Variants in HS1BP3 observed in about 807,000 individuals in gnomAD.
HS1BP3 encodes HCLS1 binding protein 3, also known as HCLS1-binding protein 3.
In HS1BP3, 32 loss-of-function variants were observed where a neutral mutation model predicts 33.5. The observed-to-expected ratio is 0.95, with a 90% confidence interval of 0.72 to 1.28. The LOEUF (loss-of-function observed/expected upper bound fraction) is 1.28, where lower values mean the gene tolerates loss of function less well. Among genes scored for constraint, HS1BP3 ranks in the 50% most tolerant of loss-of-function variants. The pLI, the probability that HS1BP3 is intolerant of heterozygous loss-of-function variation, is 0.00. For missense variants in HS1BP3, 486 were observed against 502.3 expected (o/e 0.97, Z 0.31); for synonymous variants, 187 against 209.2 (o/e 0.89, Z 0.92).
At chr2:20,584,000 ATAAT>A (rs1693622316) in intron 5 of HS1BP3, among the ~76,000 whole-genome samples, 1 of 152,180 alleles carries the variant, frequency 6.6e-6, no homozygotes, top group African/African-American at 2.4e-5. Flanking sequence ...AGACTCGGGC[ATAAT>A]TAGTGTTTTG....
chr2:20,635,850 T>C (rs1695108359), intron 4 of HS1BP3: 1 of 152,080 alleles, frequency 6.6e-6, no homozygotes, highest in African/African-American at 2.4e-5. Context: ...AATGGTGTAA[T>C]AACGCTCTCT....
chr2:20,582,260 A>G (rs752255230), intron 5 of HS1BP3, among the ~76,000 whole-genome samples: 1 of 152,146 alleles, frequency 6.6e-6, no homozygotes, highest in Non-Finnish European at 1.5e-5. Context: ...GCCTTGAGAG[A>G]CACAGCCTCC....
At chr2:20,568,394 T>C (rs1028971095) in intron 5 of HS1BP3, among the ~76,000 whole-genome samples, 7 of 152,054 alleles carry the variant, frequency 4.6e-5, no homozygotes, top group Non-Finnish European at 8.8e-5. Flanking sequence ...TGGGGGTTCC[T>C]AGGAGCTGGA....
intron 2 of HS1BP3, among the ~76,000 whole-genome samples, chr2:20,612,136 T>C (rs1036102161): frequency 6.6e-6 from 1 of 152,196 alleles, no homozygotes; most frequent in Admixed American, 6.5e-5. Context: ...GGTAAAATTA[T>C]TACCCCCATT....
rs111760410 is a variant in HS1BP3, at chr2:20,580,927, G to A, written c.303-20412C>T. ...CCCATGCCTGCTGAACTCACACCACGGATATTGGCCCAGACCCAAGGATAC... is the reference window on the plus strand; with the variant it reads ...CCCATGCCTGCTGAACTCACACCACAGATATTGGCCCAGACCCAAGGATAC... On this transcript the variant is annotated intron_variant, in intron 5 of 5. Transcript: ENST00000446825. Among the ~76,000 whole-genome samples, 624 of 152,296 alleles carry A rather than the reference G, an allele frequency of 4.1e-3. 4 individuals carry two copies. Among genetic ancestry groups the A allele is most frequent in the African/African-American group, 0.015 (605 of 41,556 alleles).
rs562763903 is a variant in HS1BP3, at chr2:20,618,800, A to C, written c.*187T>G. 7 of 1,403,416 alleles carry C rather than the reference A, an allele frequency of 5.0e-6. No homozygotes were observed. In the South Asian group the frequency reaches 1.0e-4, roughly 20 times the overall value. 86.9% of individuals were successfully genotyped at this position (1,403,416 alleles called of 1,614,324 possible). ...GGTGAGAGCCGCTCCCGCAGCCCGC[A>C]GGCTTCTACTTTGGCCCCACAGCCC... On this transcript the variant is annotated 3_prime_UTR_variant, in exon 7 of 7. Coordinates refer to ENST00000304031, the MANE Select transcript of HS1BP3 (RefSeq NM_022460.4).
Position 20,641,154 on chromosome 2 carries a change from C to G in HS1BP3, c.225G>C (p.Glu75Asp). 2 of 1,608,512 alleles carry G rather than the reference C, an allele frequency of 1.2e-6. No individual in the cohort carries two copies. Among genetic ancestry groups the G allele is most frequent in the Non-Finnish European group, 1.7e-6 (2 of 1,179,972 alleles). Residue 75 changes from glutamate (E) to aspartate (D), a missense_variant, in exon 3 of 7, where the codon GAG becomes GAC. Glu to Asp is a conservative substitution (Grantham distance 45). Transcript: ENST00000304031. ...GACTGCTCAGTTTCTGGTAAAACTC[C>G]TCAATCTCGCTGTACTTTTTGGAGA... ...FLVSKKYSEI[E>D]EFYQKLSSRY...
At chr2:20,592,794 C>A (rs1332386339) in exon 4 of HS1BP3, 2 of 152,266 alleles carry the variant, frequency 1.3e-5, no homozygotes, top group Non-Finnish European at 2.9e-5. Flanking sequence ...TACAGAAACA[C>A]CTGTGATTGG....
downstream of HS1BP3, among the ~76,000 whole-genome samples, chr2:20,556,613 C>T (rs1692848725): frequency 6.6e-6 from 1 of 152,162 alleles, no homozygotes; most frequent in African/African-American, 2.4e-5. Context: ...ACCAGGTTGG[C>T]CCCTCAGAGA....
At chr2:20,579,558 C>T (rs1438135668) in intron 5 of HS1BP3, among the ~76,000 whole-genome samples, 1 of 152,236 alleles carries the variant, frequency 6.6e-6, no homozygotes, top group Non-Finnish European at 1.5e-5. Flanking sequence ...CTTGGAAGCC[C>T]CCCGGCATAC....
In HS1BP3 at chr2:20,618,697, T is replaced by C. The variant is rs1010582217; in HGVS notation, c.*290A>G. ...TGCTTCATCCTTGGGGCTGGGCTTCTGGTTGGCAAGGCATCCCCACACCCT... is the reference window on the plus strand; with the variant it reads ...TGCTTCATCCTTGGGGCTGGGCTTCCGGTTGGCAAGGCATCCCCACACCCT... On this transcript the variant is annotated 3_prime_UTR_variant, in exon 7 of 7. Coordinates refer to ENST00000304031, the MANE Select transcript of HS1BP3 (RefSeq NM_022460.4). The C allele has an allele frequency of 1.8e-5, 22 of 1,217,582 alleles. No individual in the cohort carries two copies. The African/African-American group carries it at 3.4e-4, about 19-fold the overall frequency. 75.4% of individuals were successfully genotyped at this position (1,217,582 alleles called of 1,614,324 possible). A position where few individuals can be genotyped will look rare whatever the true frequency, so the allele number is the denominator to read the frequency against.
At chr2:20,602,201 T>C (rs1266609646) in intron 2 of HS1BP3, among the ~76,000 whole-genome samples, 1 of 151,400 alleles carries the variant, frequency 6.6e-6, no homozygotes, top group East Asian at 2.0e-4. Flanking sequence ...ATTCTCCTTT[T>C]AGGAGGAGCC....
Position 20,624,078 on chromosome 2 carries a change from G to A in HS1BP3, c.785-47C>T, listed in dbSNP as rs1183898922. On this transcript the variant is annotated intron_variant, in intron 5 of 6. Transcript: ENST00000304031. The stretch of plus-strand genomic sequence containing the variant: ...GGGGTCAGAGGAAGCCTCTAGGCTG[G>A]GATGCCATGGCTGCTCTCTCTCTGC... The A allele has an allele frequency of 1.9e-6, 3 of 1,598,288 alleles. No individual in the cohort carries two copies. The South Asian group carries it at 3.3e-5, about 18-fold the overall frequency.
chr2:20,645,175 C>G (rs1695478750), intron 2 of HS1BP3, among the ~76,000 whole-genome samples, 165 bp downstream of exon 2: 1 of 152,192 alleles, frequency 6.6e-6, no homozygotes, highest in Non-Finnish European at 1.5e-5. Context: ...TCTGATTCAC[C>G]CTGTGTCCCT....
intron 2 of HS1BP3, among the ~76,000 whole-genome samples, chr2:20,603,137 G>A (rs1229413458): frequency 1.3e-5 from 2 of 152,156 alleles, no homozygotes; most frequent in African/African-American, 2.4e-5. Context: ...GGGAATATAA[G>A]ATGGCACAAT....
intron 5 of HS1BP3, among the ~76,000 whole-genome samples, chr2:20,575,382 C>T (rs952407808): frequency 3.3e-5 from 5 of 152,224 alleles, no homozygotes; most frequent in Non-Finnish European, 7.3e-5. Context: ...GCCTCCTGGG[C>T]TTATTTCAAC....
chr2:20,598,821 G>C (rs1694006624), intron 2 of HS1BP3, among the ~76,000 whole-genome samples: 2 of 152,150 alleles, frequency 1.3e-5, no homozygotes, highest in African/African-American at 4.8e-5. Flanking sequence ...GCCTCCCAAA[G>C]TGCTGGGATT....
At chr2:20,584,670 T>C (rs1341785489) in intron 5 of HS1BP3, among the ~76,000 whole-genome samples, 3 of 146,414 alleles carry the variant, frequency 2.0e-5, no homozygotes, top group Non-Finnish European at 4.5e-5. Flanking sequence ...CTTAGGAATT[T>C]GCCCCCCAAG....
chr2:20,608,413 A>G (rs1023383282), intron 2 of HS1BP3, among the ~76,000 whole-genome samples: 2 of 151,952 alleles, frequency 1.3e-5, no homozygotes, highest in Admixed American at 1.3e-4. Flanking sequence ...CGTCTCTACT[A>G]AAAATACAAA....
Sources: gnomAD v4.1 joint callset for allele counts (sites outside exome capture counted in the v4.1 genomes callset) on GRCh38, gnomAD v4.1.1 for gene constraint, MANE v1.5 for transcripts, NCBI Gene and HGNC (gene_info 2026-07-23, HGNC 2026-07-21) for gene names.